The following NTM variants were observed in gnomAD, a reference collection of about 807,000 sequenced individuals.
NTM encodes IgLON family member 2.
Under a neutral mutation model 42.1 loss-of-function variants are expected in NTM, and 13 were observed. That is an observed-to-expected ratio of 0.31 (90% CI 0.20 to 0.49). The LOEUF is 0.49. Among genes scored for constraint, NTM ranks in the 20% least tolerant of loss-of-function variants. NTM has a pLI of 0.99. For synonymous variants in NTM, 187 were observed against 179.2 expected, an observed-to-expected ratio of 1.04 and a Z score of -0.35; for missense variants, 373 against 452.8, an observed-to-expected ratio of 0.82 and a Z score of 1.60.
intron 2 of NTM, among the ~76,000 whole-genome samples, chr11:131,998,582 C>A (rs1455503416): frequency 6.6e-6 from 1 of 152,118 alleles, no homozygotes; most frequent in African/African-American, 2.4e-5. Flanking sequence ...ATCTTTAAAA[C>A]CAGATTGACT....
At chr11:131,673,160 G>C (rs2070727629) in intron 1 of NTM, among the ~76,000 whole-genome samples, 1 of 152,150 alleles carries the variant, frequency 6.6e-6, no homozygotes. Context: ...TGAGGTTTCT[G>C]GTGGTAAATT....
At chr11:131,438,230 AACC>A (rs1244084162) in intron 1 of NTM, among the ~76,000 whole-genome samples, 3 of 152,060 alleles carry the variant, frequency 2.0e-5, no homozygotes, top group Non-Finnish European at 4.4e-5. Flanking sequence ...CCTTCATTTC[AACC>A]TTGGTGAATC....
At chr11:131,801,000 C>T (rs1170648744) in intron 1 of NTM, among the ~76,000 whole-genome samples, 2 of 152,218 alleles carry the variant, frequency 1.3e-5, no homozygotes, top group East Asian at 1.9e-4. Context: ...GCTATAATTT[C>T]TGTTGGGACT....
intron 1 of NTM, among the ~76,000 whole-genome samples, chr11:131,575,057 A>C (rs962160129): frequency 6.6e-6 from 1 of 152,102 alleles, no homozygotes; most frequent in African/African-American, 2.4e-5. Context: ...GAATTCTCAA[A>C]ATTTTTCTCA....
rs181351939 is a variant in NTM at position 132,114,709 on chromosome 11, A to G, written c.168-31573A>G. 1.6e-4 allele frequency among the ~76,000 whole-genome samples: 24 copies of G among 152,328 alleles called. No individual in the cohort carries two copies. The East Asian group carries it at 3.9e-3, about 25-fold the overall frequency. On this transcript the variant is annotated intron_variant, in intron 2 of 8. Transcript: ENST00000683400. ...AGGGGGAAGGATCTTGGAGATCATC[A>G]AGTTTAGCCTCTTTAAGATGAGGAA...
intron 1 of NTM, among the ~76,000 whole-genome samples, chr11:131,474,388 T>C (rs1952724142): frequency 6.6e-6 from 1 of 152,026 alleles, no homozygotes; most frequent in Non-Finnish European, 1.5e-5. Flanking sequence ...TCCTTGGCAA[T>C]TTCATTTACA....
intron 1 of NTM, among the ~76,000 whole-genome samples, chr11:131,752,649 A>C (rs2082715255): frequency 6.6e-6 from 1 of 152,198 alleles, no homozygotes; most frequent in African/African-American, 2.4e-5. Context: ...CAAATGTCCA[A>C]CAATGATAGA....
intron 1 of NTM, among the ~76,000 whole-genome samples, chr11:131,830,381 T>C (rs2042666416): frequency 1.3e-5 from 2 of 152,204 alleles, no homozygotes; most frequent in Admixed American, 6.5e-5. Context: ...CATCCTTCTG[T>C]ATATGGCTAG....
chr11:131,400,528 T>C (rs910896510), intron 1 of NTM, among the ~76,000 whole-genome samples: 1 of 152,246 alleles, frequency 6.6e-6, no homozygotes, highest in Non-Finnish European at 1.5e-5. Flanking sequence ...ATTTATTTAC[T>C]GTCTCTCCCA....
At chr11:132,309,789 C>T (rs2095222395) in intron 5 of NTM, among the ~76,000 whole-genome samples, 1 of 152,152 alleles carries the variant, frequency 6.6e-6, no homozygotes, top group South Asian at 2.1e-4. Context: ...AGATCAGGTG[C>T]AGTGCCCTGT....
intron 1 of NTM, among the ~76,000 whole-genome samples, chr11:131,684,637 G>A (rs751549782): frequency 1.3e-5 from 2 of 152,230 alleles, no homozygotes; most frequent in Non-Finnish European, 2.9e-5. Context: ...CAGGCTGGAG[G>A]CCCTGCGGCT....
intron 4 of NTM, among the ~76,000 whole-genome samples, chr11:132,278,187 T>C (rs992822569): frequency 6.6e-6 from 1 of 152,208 alleles, no homozygotes; most frequent in Non-Finnish European, 1.5e-5. Flanking sequence ...TTGGCCTCTG[T>C]TGTACTTAGC....
At chr11:132,061,786 A>T (rs964564897) in intron 2 of NTM, among the ~76,000 whole-genome samples, 1 of 152,138 alleles carries the variant, frequency 6.6e-6, no homozygotes, top group African/African-American at 2.4e-5. Context: ...TGTGGCAGGA[A>T]ATTGTGCCAG....
At chr11:131,692,359 T>A (rs1034342696) in intron 1 of NTM, among the ~76,000 whole-genome samples, 13 of 150,598 alleles carry the variant, frequency 8.6e-5, no homozygotes, top group African/African-American at 2.9e-4. Context: ...CTATCTCCCA[T>A]GCACATCTCT....
At chr11:131,704,018 C>T (rs916838391) in intron 1 of NTM, among the ~76,000 whole-genome samples, 2 of 152,186 alleles carry the variant, frequency 1.3e-5, no homozygotes, top group Non-Finnish European at 2.9e-5. Context: ...GCACTAGTGA[C>T]TCCAGACTCC....
At chr11:132,236,506 C>T (rs995862307) in intron 4 of NTM, among the ~76,000 whole-genome samples, 1 of 152,206 alleles carries the variant, frequency 6.6e-6, no homozygotes, top group Non-Finnish European at 1.5e-5. Flanking sequence ...GACGGCATAA[C>T]TATTCCACAT....
At chr11:131,916,187 C>T (rs965232431) in intron 2 of NTM, among the ~76,000 whole-genome samples, 6 of 152,198 alleles carry the variant, frequency 3.9e-5, no homozygotes, top group Non-Finnish European at 7.4e-5. Flanking sequence ...CTCCTAGCTC[C>T]TGGGTGGAAG....
intron 1 of NTM, among the ~76,000 whole-genome samples, chr11:131,768,121 ATTTT>A (rs200565983): frequency 6.6e-5 from 8 of 121,486 alleles, no homozygotes; most frequent in Non-Finnish European, 1.0e-4. Context: ...GCAAAAACTT[ATTTT>A]TTTTTTTTTT....
chr11:131,377,166 G>A (rs921540033), intron 1 of NTM, among the ~76,000 whole-genome samples: 2 of 152,170 alleles, frequency 1.3e-5, no homozygotes, highest in African/African-American at 4.8e-5. Flanking sequence ...AAGAGGAGGT[G>A]CACACCCTGG....
Sources: allele counts gnomAD v4.1 joint callset (sites outside exome capture counted in the v4.1 genomes callset), GRCh38; gene constraint gnomAD v4.1.1; transcripts MANE v1.5; gene names NCBI Gene and HGNC (gene_info 2026-07-23, HGNC 2026-07-21).